KIRREL3: variants seen among roughly 807,000 people sequenced by gnomAD.
KIRREL3 encodes the protein kirre like nephrin family adhesion molecule 3.
In KIRREL3, 36 loss-of-function variants were observed where a neutral mutation model predicts 89.7. The ratio of observed to expected loss-of-function variants is 0.40; its 90% confidence interval spans 0.31 to 0.53. KIRREL3 has a LOEUF of 0.53. KIRREL3 is among the 20% of genes least tolerant of loss of function. KIRREL3 has a pLI of 0.49. For synonymous variants in KIRREL3, 445 were observed against 441.4 expected (o/e 1.01, Z -0.10); for missense variants, 864 against 1,056.6 (o/e 0.82, Z 2.53).
chr11:126,963,246 G>C (rs1426909410), intron 1 of KIRREL3, among the ~76,000 whole-genome samples: 2 of 151,824 alleles, frequency 1.3e-5, no homozygotes, highest in Non-Finnish European at 2.9e-5. Flanking sequence ...CTAACACTTA[G>C]TTTCCTGAAA....
Position 126,947,783 on chromosome 11 carries a change from G to A in KIRREL3, c.55+52672C>T, listed in dbSNP as rs553868966. Among the ~76,000 whole-genome samples the A allele has an allele frequency of 4.7e-4, 72 of 152,330 alleles. No individual in the cohort carries two copies. The South Asian group carries it at 0.014, about 31-fold the overall frequency. On this transcript the variant is annotated intron_variant, in intron 1 of 16. Transcript: ENST00000525144. Reference sequence around the variant, plus strand: ...GGAAATGTTAACGTCATAATGCACAGCATCACCTTAGGGAGTTCTCCAAAA... The same window carrying A: ...GGAAATGTTAACGTCATAATGCACAACATCACCTTAGGGAGTTCTCCAAAA...
chr11:126,831,443 C>CTCTCTCTT, intron 1 of KIRREL3, among the ~76,000 whole-genome samples: 1 of 151,814 alleles, frequency 6.6e-6, no homozygotes, highest in East Asian at 1.9e-4. Context: ...CTTTCTCTCT[C>CTCTCTCTT]TCTCTCTCTT....
rs550534498 is a variant in KIRREL3, at chr11:126,624,650, C to T, written c.56-61738G>A. ...TGTCGTGTAATTCAGCATTAAGTATCCTATTGATTCACTGAAGTGCTGCCA... is the reference window on the plus strand; with the variant it reads ...TGTCGTGTAATTCAGCATTAAGTATTCTATTGATTCACTGAAGTGCTGCCA... On this transcript the variant is annotated intron_variant, in intron 1 of 16. Transcript: ENST00000525144. This position sits in a 1 kb window ranked among gnomAD's most constrained non-coding sequence, Gnocchi z 6.0. Among the ~76,000 whole-genome samples, 5 of 152,194 alleles carry T rather than the reference C, an allele frequency of 3.3e-5. No homozygotes were observed. The East Asian group carries it at 9.6e-4, about 29-fold the overall frequency.
chr11:126,879,929 G>C lies in KIRREL3; in HGVS notation c.55+120526C>G, dbSNP rs1203711816. Among the ~76,000 whole-genome samples the C allele has an allele frequency of 6.6e-6, 1 of 152,164 alleles. No homozygotes were observed. Among genetic ancestry groups the C allele is most frequent in the African/African-American group, 2.4e-5 (1 of 41,444 alleles). On this transcript the variant is annotated intron_variant, in intron 1 of 16. Transcript: ENST00000525144. This position sits in a 1 kb window ranked among gnomAD's most constrained non-coding sequence, Gnocchi z 5.4. The stretch of plus-strand genomic sequence containing the variant: ...CCCCCACCACCCCGCCGCCATCTCA[G>C]TTATTCAAGAAGGAAGCCATGGTAT...
chr11:126,946,754 T>C lies in KIRREL3; in HGVS notation c.55+53701A>G, dbSNP rs1948630330. 6.6e-6 allele frequency among the ~76,000 whole-genome samples: 1 copy of C among 152,206 alleles called. No individual in the cohort carries two copies. Among genetic ancestry groups the C allele is most frequent in the South Asian group, 2.1e-4 (1 of 4,834 alleles). ...TCTTATTAATTTTGTACTTATCATA[T>C]GTCAGGCAACAGAGTGAATGTTCTA... On this transcript the variant is annotated intron_variant, in intron 1 of 16. Coordinates refer to ENST00000525144, the MANE Select transcript of KIRREL3 (RefSeq NM_032531.4). The surrounding 1 kb of genome is among the most constrained non-coding windows in gnomAD (Gnocchi z 4.1).
intron 1 of KIRREL3, among the ~76,000 whole-genome samples, chr11:126,980,750 C>T (rs567738864): frequency 2.8e-4 from 43 of 152,180 alleles, no homozygotes; most frequent in Admixed American, 1.8e-3. Context: ...ATGCTCTTTA[C>T]GGAGATTAGG....
At chr11:126,893,605 C>T (rs911453297) in intron 1 of KIRREL3, among the ~76,000 whole-genome samples, 1 of 152,152 alleles carries the variant, frequency 6.6e-6, no homozygotes, top group East Asian at 1.9e-4. Flanking sequence ...GTGGAAGGCC[C>T]GGCTACCCGG....
chr11:126,918,474 C>T lies in KIRREL3; in HGVS notation c.55+81981G>A, dbSNP rs1277482594. On this transcript the variant is annotated intron_variant, in intron 1 of 16. Coordinates refer to ENST00000525144, the MANE Select transcript of KIRREL3 (RefSeq NM_032531.4). The surrounding 1 kb of genome is among the most constrained non-coding windows in gnomAD (Gnocchi z 6.5). ...CTTGTTCCTCTGACAGGGTGATAAG[C>T]AAGCTTGTGGTGGAGGGCAGTTACC... Among the ~76,000 whole-genome samples, 1 of 152,162 alleles carries T rather than the reference C, an allele frequency of 6.6e-6. No individual in the cohort carries two copies.
At chr11:126,753,874 A>G (rs1013553265) in intron 1 of KIRREL3, among the ~76,000 whole-genome samples, 2 of 152,228 alleles carry the variant, frequency 1.3e-5, no homozygotes, top group African/African-American at 4.8e-5. Flanking sequence ...GGGTCCACAG[A>G]TCGTATTAGT....
intron 2 of KIRREL3, among the ~76,000 whole-genome samples, chr11:126,543,325 G>A (rs1938522677): frequency 6.6e-6 from 1 of 152,286 alleles, no homozygotes; most frequent in South Asian, 2.1e-4. Context: ...AGCCTAGGAG[G>A]GGAAGCTTTC....
chr11:126,553,214 T>C lies in KIRREL3; in HGVS notation c.133+9621A>G, dbSNP rs1173589764. Among the ~76,000 whole-genome samples the C allele has an allele frequency of 6.6e-6, 1 of 152,208 alleles. No homozygotes were observed. Among genetic ancestry groups the C allele is most frequent in the East Asian group, 1.9e-4 (1 of 5,188 alleles). On this transcript the variant is annotated intron_variant, in intron 2 of 16. Transcript: ENST00000525144. This position sits in a 1 kb window ranked among gnomAD's most constrained non-coding sequence, Gnocchi z 4.7. ...TATGGGCTTACAGTGTGTCCCTTGG[T>C]CTGAAGAAATGATGGTCAGCTGTCC...
At chr11:126,866,380 C>T (rs1263992389) in intron 1 of KIRREL3, among the ~76,000 whole-genome samples, 1 of 152,204 alleles carries the variant, frequency 6.6e-6, no homozygotes, top group Non-Finnish European at 1.5e-5. Flanking sequence ...ATCCATCCTG[C>T]ACCCCTGTAA....
chr11:126,744,432 T>C lies in KIRREL3; in HGVS notation c.56-181520A>G, dbSNP rs1949077925. On this transcript the variant is annotated intron_variant, in intron 1 of 16. Coordinates refer to ENST00000525144, the MANE Select transcript of KIRREL3 (RefSeq NM_032531.4). This position sits in a 1 kb window ranked among gnomAD's most constrained non-coding sequence, Gnocchi z 4.7. Reference sequence around the variant, plus strand: ...GTCCCAGACATGCAGAACAGGCTGCTGGACTAGACGGGGACAAGGAAATGG... The same window carrying C: ...GTCCCAGACATGCAGAACAGGCTGCCGGACTAGACGGGGACAAGGAAATGG... Among the ~76,000 whole-genome samples the C allele has an allele frequency of 6.6e-6, 1 of 152,188 alleles. No homozygotes were observed. Among genetic ancestry groups the C allele is most frequent in the African/African-American group, 2.4e-5 (1 of 41,452 alleles).
intron 1 of KIRREL3, among the ~76,000 whole-genome samples, chr11:126,923,393 T>C (rs1467515051): frequency 5.5e-3 from 2 of 364 alleles, no homozygotes; most frequent in South Asian, 0.083. Flanking sequence ...CTTCTTCCTC[T>C]TCTTTCTTCT....
intron 4 of KIRREL3, among the ~76,000 whole-genome samples, chr11:126,503,475 G>C (rs961921217): frequency 2.0e-5 from 3 of 152,178 alleles, no homozygotes; most frequent in African/African-American, 7.2e-5. Context: ...CAAGTCTCCA[G>C]TGTGGTATAA....
rs553740956 is a variant in KIRREL3, at chr11:126,594,971, C to G, written c.56-32059G>C. On this transcript the variant is annotated intron_variant, in intron 1 of 16. Coordinates refer to ENST00000525144, the MANE Select transcript of KIRREL3 (RefSeq NM_032531.4). The surrounding 1 kb of genome is among the most constrained non-coding windows in gnomAD (Gnocchi z 5.0). ...CAGCTGCCCTGGGCCCTCGGACCCT[C>G]AGGGGCCTTCTGGGTTGTGAGGCGT... Among the ~76,000 whole-genome samples, 2 of 152,334 alleles carry G rather than the reference C, an allele frequency of 1.3e-5. No homozygotes were observed. The highest frequency in any genetic ancestry group is 4.8e-5 in the African/African-American group (2 of 41,590).
In KIRREL3 at chr11:126,574,868, C is replaced by T. The variant is rs749757868; in HGVS notation, c.56-11956G>A. Reference sequence around the variant, plus strand: ...CTTCTTGGAATAGGAATGAATAGTACGAGAAAATACCTGGGTCCACACTGG... The same window carrying T: ...CTTCTTGGAATAGGAATGAATAGTATGAGAAAATACCTGGGTCCACACTGG... On this transcript the variant is annotated intron_variant, in intron 1 of 16. Coordinates refer to ENST00000525144, the MANE Select transcript of KIRREL3 (RefSeq NM_032531.4). This position sits in a 1 kb window ranked among gnomAD's most constrained non-coding sequence, Gnocchi z 5.3. Among the ~76,000 whole-genome samples the T allele has an allele frequency of 1.3e-5, 2 of 152,124 alleles. No homozygotes were observed. The highest frequency in any genetic ancestry group is 6.6e-5 in the Admixed American group (1 of 15,266).
Position 126,831,435 on chromosome 11 carries a change from T to TTCTCTCTCTCTCTCTC in KIRREL3, c.55+169004_55+169019dup, listed in dbSNP as rs5795530. Reference sequence around the variant, plus strand: ...TCTGTCTCTCTCTATCTCTCTCTCTTTCTCTCTCTCTCTCTCTTTACCCAA... The same window carrying TTCTCTCTCTCTCTCTC: ...TCTGTCTCTCTCTATCTCTCTCTCTTTCTCTCTCTCTCTCTCTCTCTCTCTCTCTCTCTTTACCCAA... On this transcript the variant is annotated intron_variant, in intron 1 of 16. Transcript: ENST00000525144. 4.5e-3 allele frequency among the ~76,000 whole-genome samples: 670 copies of TTCTCTCTCTCTCTCTC among 150,010 alleles called. 2 individuals carry two copies. The highest frequency in any genetic ancestry group is 0.014 in the African/African-American group (571 of 40,666).
chr11:126,452,991 G>A (rs895654816), intron 7 of KIRREL3, among the ~76,000 whole-genome samples: 4 of 152,106 alleles, frequency 2.6e-5, no homozygotes, highest in South Asian at 2.1e-4. Context: ...CACCCTCTTC[G>A]TGCCTCTCCT....
Sources: gnomAD v4.1 joint callset for allele counts (sites outside exome capture counted in the v4.1 genomes callset) on GRCh38, gnomAD v4.1.1 for gene constraint, Gnocchi (gnomAD v3.1) non-coding constraint, MANE v1.5 for transcripts, NCBI Gene and HGNC (gene_info 2026-07-23, HGNC 2026-07-21) for gene names.